The following DOCK7 variants were observed in gnomAD, a reference collection of about 807,000 sequenced individuals.
The protein encoded by DOCK7 is dedicator of cytokinesis 7, also known as dedicator of cytokinesis protein 7.
A neutral mutation model predicts 271.0 loss-of-function variants in DOCK7; 138 were observed. The observed-to-expected ratio is 0.51, with a 90% CI of 0.44 to 0.59. The LOEUF is 0.59. Among genes scored for constraint, DOCK7 ranks in the 20% least tolerant of loss-of-function variants. The pLI, the probability that DOCK7 is intolerant of heterozygous loss-of-function variation, is 0.00. For missense variants in DOCK7, 2,066 were observed against 2,592.4 expected (o/e 0.80, Z 4.41); for synonymous variants, 823 against 876.1 (o/e 0.94, Z 1.07).
chr1:62,618,159 T>C lies in DOCK7; in HGVS notation c.1682+547A>G, dbSNP rs139706613. On this transcript the variant is annotated intron_variant, in intron 14 of 49. Coordinates refer to ENST00000635253, the MANE Select transcript of DOCK7 (RefSeq NM_001367561.1). ...TACATGCAAATGGCACCCCCAGAGT[T>C]ATGTAATGTTCAGTCTGAAAAGTTA... Among the ~76,000 whole-genome samples, 14 of 152,236 alleles carry C rather than the reference T, an allele frequency of 9.2e-5. No homozygotes were observed. The East Asian group carries it at 2.5e-3, about 27-fold the overall frequency.
At chr1:62,584,925 G>A (rs1257604355) in intron 15 of DOCK7, 1 of 685,098 alleles carries the variant, frequency 1.5e-6, no homozygotes, top group South Asian at 1.6e-5. Flanking sequence ...GAGTTTGTTA[G>A]GTAAACAATA....
intron 37 of DOCK7, among the ~76,000 whole-genome samples, chr1:62,497,574 C>A (rs905745945): frequency 1.3e-5 from 2 of 152,228 alleles, no homozygotes; most frequent in Admixed American, 1.3e-4. Context: ...TCCACACCAT[C>A]TCCTAATGTG....
intron 1 of DOCK7, among the ~76,000 whole-genome samples, chr1:62,668,134 C>T (rs192994713): frequency 3.2e-4 from 49 of 152,176 alleles, no homozygotes; most frequent in Non-Finnish European, 6.0e-4. Flanking sequence ...TAACCTGAAT[C>T]GAATCAAACC....
At chr1:62,583,142 T>G in intron 16 of DOCK7, 42 bp downstream of exon 16, 9 of 1,513,052 alleles carry the variant, frequency 5.9e-6, no homozygotes, top group South Asian at 1.1e-5. Flanking sequence ...ACAATGCCAC[T>G]GAGAAGTGAG....
intron 28 of DOCK7, 85 bp from the exon 29 acceptor site, chr1:62,535,717 T>G (rs1645324241): frequency 1.5e-6 from 2 of 1,349,028 alleles, no homozygotes. Context: ...AATGAAATAC[T>G]TTTTCCCAGG....
At chr1:62,536,575 G>A (rs1571445591) in intron 28 of DOCK7, among the ~76,000 whole-genome samples, 1 of 152,144 alleles carries the variant, frequency 6.6e-6, no homozygotes, top group South Asian at 2.1e-4. Context: ...GGAAAAATAG[G>A]CTGATCCAGA....
intron 29 of DOCK7, among the ~76,000 whole-genome samples, chr1:62,531,544 T>C (rs926771323): frequency 1.3e-5 from 2 of 152,242 alleles, no homozygotes; most frequent in Non-Finnish European, 1.5e-5. Flanking sequence ...TAAAGAACCA[T>C]GTACTACAAA....
chr1:62,552,484 CA>C (rs1162988110), intron 22 of DOCK7, among the ~76,000 whole-genome samples: 2 of 152,108 alleles, frequency 1.3e-5, no homozygotes, highest in African/African-American at 4.8e-5. Flanking sequence ...ATCAGACTGA[CA>C]ACAATAAGTT....
intron 1 of DOCK7, among the ~76,000 whole-genome samples, chr1:62,673,247 G>A (rs1420181043): frequency 6.6e-6 from 1 of 151,948 alleles, no homozygotes; most frequent in Non-Finnish European, 1.5e-5. Flanking sequence ...TTTTCTGGTG[G>A]GAAAAAGGAT....
chr1:62,680,238 T>C (rs1660965445), intron 1 of DOCK7, among the ~76,000 whole-genome samples: 1 of 152,088 alleles, frequency 6.6e-6, no homozygotes. Context: ...ATACCACTCA[T>C]CTACAACCAT....
chr1:62,604,349 T>G, intron 14 of DOCK7: 2 of 1,328,436 alleles, frequency 1.5e-6, no homozygotes, highest in Non-Finnish European at 2.1e-6. Flanking sequence ...AATAAGCGTT[T>G]TCTCTCTAGA....
In DOCK7 at chr1:62,663,038, G is replaced by C. The variant is rs1440360258; in HGVS notation, c.131C>G (p.Ser44Cys). ...LKNLNIVGNI[S>C]HHTTVPLTEA... ...TACGTTACTTACTGTGGTGTGATGG[G>C]ATATATTGCCAACAATATTAAGGTT... is the stretch of plus-strand genomic sequence containing the variant. The change falls in exon 2 of 50, where the codon TCC becomes TGC. Residue 44 changes from serine to cysteine, a missense_variant. Coordinates refer to ENST00000635253, the MANE Select transcript of DOCK7 (RefSeq NM_001367561.1). 2 of 1,609,998 alleles carry C rather than the reference G, an allele frequency of 1.2e-6. No homozygotes were observed. Among genetic ancestry groups the C allele is most frequent in the Admixed American group, 3.3e-5 (2 of 59,976 alleles).
At chr1:62,591,754 TCAA>T (rs1648484069) in intron 14 of DOCK7, among the ~76,000 whole-genome samples, 1 of 152,166 alleles carries the variant, frequency 6.6e-6, no homozygotes, top group Admixed American at 6.5e-5. Context: ...CAGGAAAGCC[TCAA>T]CTTTACCCTT....
chr1:62,680,285 G>A, intron 1 of DOCK7, among the ~76,000 whole-genome samples: 1 of 152,122 alleles, frequency 6.6e-6, no homozygotes, highest in Non-Finnish European at 1.5e-5. Context: ...CAAGAAATGG[G>A]GAAAGGATTC....
chr1:62,643,919 A>G lies in DOCK7; in HGVS notation c.818+3772T>C, dbSNP rs1473485722. Among the ~76,000 whole-genome samples the G allele has an allele frequency of 3.3e-5, 5 of 152,010 alleles. No homozygotes were observed. The South Asian group carries it at 1.0e-3, about 31-fold the overall frequency. ...TATAATTTTAATTATAAAATCTTGA[A>G]AAAGATCAAATGAATCCTTTTAAAA... On this transcript the variant is annotated intron_variant, in intron 7 of 49. Coordinates refer to ENST00000635253, the MANE Select transcript of DOCK7 (RefSeq NM_001367561.1).
intron 24 of DOCK7, among the ~76,000 whole-genome samples, chr1:62,542,954 A>T (rs1266855574): frequency 1.3e-5 from 2 of 152,194 alleles, no homozygotes; most frequent in East Asian, 3.9e-4. Context: ...GACAGGTAGA[A>T]GATAGCCTCC....
chr1:62,570,683 G>T (rs928265284), intron 18 of DOCK7, among the ~76,000 whole-genome samples: 1 of 152,122 alleles, frequency 6.6e-6, no homozygotes, highest in Non-Finnish European at 1.5e-5. Flanking sequence ...AACCAAAACA[G>T]CATGGTGCTA....
chr1:62,643,844 AT>A (rs1656327048), intron 7 of DOCK7, among the ~76,000 whole-genome samples: 1 of 152,086 alleles, frequency 6.6e-6, no homozygotes, highest in African/African-American at 2.4e-5. Flanking sequence ...AAGTTCACTT[AT>A]TCAGTCTTCA....
At chr1:62,637,252 T>C (rs889390259) in intron 7 of DOCK7, among the ~76,000 whole-genome samples, 5 of 152,226 alleles carry the variant, frequency 3.3e-5, no homozygotes, top group African/African-American at 1.2e-4. Flanking sequence ...TCCCATTATA[T>C]GAATACGGCA....
Sources: allele counts gnomAD v4.1 joint callset (sites outside exome capture counted in the v4.1 genomes callset), GRCh38; gene constraint gnomAD v4.1.1; transcripts MANE v1.5; gene names NCBI Gene and HGNC (gene_info 2026-07-23, HGNC 2026-07-21).